Variants in POLE observed in about 807,000 individuals in gnomAD.
The protein encoded by POLE is DNA polymerase epsilon catalytic subunit A.
Under a neutral mutation model 279.2 loss-of-function variants are expected in POLE, and 188 were observed. The ratio of observed to expected loss-of-function variants is 0.67; its 90% CI spans 0.60 to 0.76. The LOEUF (loss-of-function observed/expected upper bound fraction) is 0.76. Among genes scored for constraint, POLE ranks in the 30% least tolerant of loss-of-function variants. The pLI, the probability that POLE is intolerant of heterozygous loss-of-function variation, is 0.00. For synonymous variants in POLE, 1,214 were observed against 1,172.5 expected (o/e 1.04, Z -0.72); for missense variants, 2,703 against 3,016.7 (o/e 0.90, Z 2.44).
At chr12:132,676,988 C>T (rs1462396019) in intron 8 of POLE, among the ~76,000 whole-genome samples, 3 of 152,072 alleles carry the variant, frequency 2.0e-5, no homozygotes, top group Non-Finnish European at 2.9e-5. Context: ...ATCTTCATTT[C>T]GGAAAAGAGA....
intron 45 of POLE, among the ~76,000 whole-genome samples, chr12:132,627,514 G>C (rs1444681454): frequency 2.0e-5 from 3 of 151,508 alleles, no homozygotes; most frequent in Admixed American, 2.0e-4. Flanking sequence ...GCCCAGGCTG[G>C]TCTTGAACTG....
rs2135976709 is a variant in POLE at position 132,668,528 on chromosome 12, T to C, written c.2027-26A>G. 3 of 1,580,264 alleles carry C rather than the reference T, an allele frequency of 1.9e-6. No homozygotes were observed. The highest frequency in any genetic ancestry group is 2.6e-6 in the Non-Finnish European group (3 of 1,158,942). Reference sequence around the variant, plus strand: ...CTGGGAAGGAGGCAATGGGGGCAAGTTCAAAAGGAGGCACAGACACACCGG... The same window carrying C: ...CTGGGAAGGAGGCAATGGGGGCAAGCTCAAAAGGAGGCACAGACACACCGG... On this transcript the variant is annotated intron_variant, in intron 18 of 48. Transcript: ENST00000320574. This position sits in a 1 kb window ranked among gnomAD's most constrained non-coding sequence, Gnocchi z 4.0.
chr12:132,649,260 G>A (rs772019615), intron 31 of POLE, 46 bp downstream of exon 31: 1 of 1,587,218 alleles, frequency 6.3e-7, no homozygotes, highest in Non-Finnish European at 8.6e-7. Flanking sequence ...CCCCTCCCTG[G>A]GCCATCAGCA....
Position 132,634,800 on chromosome 12 carries a change from G to A in POLE, c.5812-422C>T, listed in dbSNP as rs558578789. On this transcript the variant is annotated intron_variant, in intron 42 of 48. Transcript: ENST00000320574. The surrounding 1 kb of genome is among the most constrained non-coding windows in gnomAD (Gnocchi z 4.0). The stretch of plus-strand genomic sequence containing the variant: ...GTGTTCGTGCCACGGCACCATCCAC[G>A]TCTGTGTAGACACCGACACCCACTG... Among the ~76,000 whole-genome samples the A allele has an allele frequency of 2.6e-5, 4 of 152,208 alleles. No individual in the cohort carries two copies. The highest frequency in any genetic ancestry group is 1.9e-4 in the East Asian group (1 of 5,168).
intron 16 of POLE, among the ~76,000 whole-genome samples, chr12:132,671,626 G>A (rs930065645): frequency 7.2e-6 from 1 of 139,428 alleles, no homozygotes; most frequent in Non-Finnish European, 1.5e-5. Context: ...CCAAACTCAT[G>A]CCATTGCACT....
At chr12:132,662,182 G>A (rs532232284) in intron 23 of POLE, among the ~76,000 whole-genome samples, 8 of 152,318 alleles carry the variant, frequency 5.3e-5, no homozygotes, top group Middle Eastern at 3.4e-3. Context: ...GGCCAAATGA[G>A]CCCAACAGCA....
At chr12:132,683,167 T>C (rs1274975544) in intron 1 of POLE, among the ~76,000 whole-genome samples, 2 of 151,886 alleles carry the variant, frequency 1.3e-5, no homozygotes, top group African/African-American at 4.8e-5. Context: ...CCCCCAAACC[T>C]GTGAATGTTA....
chr12:132,641,956 C>G (rs2042154290), intron 38 of POLE, 105 bp from the exon 39 acceptor site: 2 of 1,095,500 alleles, frequency 1.8e-6, no homozygotes, highest in East Asian at 4.9e-5. Flanking sequence ...CAGCAACAGA[C>G]CTGCCCACAC....
At chr12:132,673,477 G>C (rs2135998068) in intron 13 of POLE, 98 bp downstream of exon 13, 4 of 1,533,470 alleles carry the variant, frequency 2.6e-6, no homozygotes, top group Non-Finnish European at 2.7e-6. Context: ...CACGGCAGCA[G>C]GGGGAGCCGG....
Position 132,668,931 on chromosome 12 carries a change from A to G in POLE, c.1803T>C (p.Asp601=). 1 of 1,612,844 alleles carries G rather than the reference A, an allele frequency of 6.2e-7. No homozygotes were observed. Among genetic ancestry groups the G allele is most frequent in the Non-Finnish European group, 8.5e-7 (1 of 1,178,930 alleles). The change falls in exon 17 of 49, where the codon GAT becomes GAC. Residue 601 remains aspartate, a synonymous_variant. Transcript: ENST00000320574. This position sits in a 1 kb window ranked among gnomAD's most constrained non-coding sequence, Gnocchi z 4.0. ...GGGAGGCAAGCTTGCTCTTAATCTC[A>G]TCACACACCTGCAGAGAAAGCGAAA... ...EQVTNFEEVC[D]EIKSKLASLK...
At position 132,675,681 on chromosome 12, in the gene POLE, A is replaced by G. The variant is rs1158861955; in HGVS notation, c.1106+54T>C. On this transcript the variant is annotated intron_variant, in intron 11 of 48. Coordinates refer to ENST00000320574, the MANE Select transcript of POLE (RefSeq NM_006231.4). The surrounding 1 kb of genome is among the most constrained non-coding windows in gnomAD (Gnocchi z 4.3). ...ATGGGAAGCGCCCCTGCACCACGCA[A>G]CGCCCTCCCTCTCAAATGCTGCCCA... is the stretch of plus-strand genomic sequence containing the variant. 1.3e-6 allele frequency: 2 copies of G among 1,574,026 alleles called. No homozygotes were observed. Among genetic ancestry groups the G allele is most frequent in the Non-Finnish European group, 1.7e-6 (2 of 1,144,344 alleles).
intron 29 of POLE, among the ~76,000 whole-genome samples, chr12:132,656,155 T>C (rs1475560749): frequency 6.6e-6 from 1 of 151,970 alleles, no homozygotes; most frequent in East Asian, 1.9e-4. Flanking sequence ...CCAGCTACAC[T>C]AGAGGCTGAG....
chr12:132,649,092 T>C lies in POLE; in HGVS notation c.4006-20A>G, dbSNP rs1057523958. 2.5e-6 allele frequency: 4 copies of C among 1,607,872 alleles called. No homozygotes were observed. Among genetic ancestry groups the C allele is most frequent in the Admixed American group, 3.3e-5 (2 of 59,722 alleles). On this transcript the variant is annotated intron_variant, in intron 31 of 48. Transcript: ENST00000320574. ...GCTGATCTGAAAGGCCACACGGACATACAGCACATCACAGGACACACTGGA... is the reference window on the plus strand; with the variant it reads ...GCTGATCTGAAAGGCCACACGGACACACAGCACATCACAGGACACACTGGA...
rs948202790 is a variant in POLE at position 132,643,072 on chromosome 12, C to T, written c.4552-76G>A. On this transcript the variant is annotated intron_variant, in intron 35 of 48. Transcript: ENST00000320574. ...GGCAGCCCTGGGGCAGACTCCACCA[C>T]TGCCACGGCACTGCCAATTCAATCA... 36 of 1,494,152 alleles carry T rather than the reference C, an allele frequency of 2.4e-5. No homozygotes were observed. In the African/African-American group the frequency reaches 2.5e-4, roughly 10 times the overall value. 92.6% of individuals were successfully genotyped at this position (1,494,152 alleles called of 1,614,324 possible).
chr12:132,648,803 T>A (rs1450621054), intron 32 of POLE, 126 bp downstream of exon 32: 1 of 1,053,860 alleles, frequency 9.5e-7, no homozygotes, highest in East Asian at 2.5e-5. Flanking sequence ...ACACGTTGTT[T>A]TGAGGAATTC....
intron 25 of POLE, chr12:132,659,873 G>C (rs1345941281): frequency 4.2e-6 from 1 of 237,166 alleles, no homozygotes; most frequent in African/African-American, 2.3e-5. Flanking sequence ...TGTATTTTTA[G>C]TAGAGAAAGG....
At position 132,668,616 on chromosome 12, in the gene POLE, C is replaced by A; in HGVS notation, c.2026+19G>T. On this transcript the variant is annotated intron_variant, in intron 18 of 48. Transcript: ENST00000320574. This position sits in a 1 kb window ranked among gnomAD's most constrained non-coding sequence, Gnocchi z 4.0. ...CACCCGTTTCCCACCGAGTGCCCAC[C>A]CAGGCGGCCGACACTCACTGAACTC... 6.2e-7 allele frequency: 1 copy of A among 1,602,982 alleles called. No homozygotes were observed. The highest frequency in any genetic ancestry group is 1.1e-5 in the South Asian group (1 of 90,694).
rs774707705 is a variant in POLE, at chr12:132,667,623, CTTCTTGTAGGCT to C, written c.2187_2198del (p.Ala730_Lys733del). 5.0e-6 allele frequency: 8 copies of C among 1,614,172 alleles called. No homozygotes were observed. The highest frequency in any genetic ancestry group is 3.3e-5 in the Admixed American group (2 of 60,030). On this transcript the variant is annotated inframe_deletion, in exon 20 of 49. Transcript: ENST00000320574. ...GCTCTTCCACCTTGGTGATGTGGAT[CTTCTTGTAGGCT>C]TTCCGGCAGTAATCTAAGCACGACG...
intron 1 of POLE, among the ~76,000 whole-genome samples, chr12:132,682,291 C>CAAAAAAAA (rs759276322): frequency 1.1e-4 from 13 of 120,474 alleles, no homozygotes; most frequent in African/African-American, 4.5e-4. Flanking sequence ...GAGACTCCGG[C>CAAAAAAAA]AAAAAAAAAA....
Sources: gnomAD v4.1 joint callset for allele counts (sites outside exome capture counted in the v4.1 genomes callset) on GRCh38, gnomAD v4.1.1 for gene constraint, Gnocchi (gnomAD v3.1) non-coding constraint, MANE v1.5 for transcripts, NCBI Gene and HGNC (gene_info 2026-07-23, HGNC 2026-07-21) for gene names.